CARM1: variants seen among roughly 807,000 people sequenced by gnomAD.
CARM1 encodes coactivator associated arginine methyltransferase 1, also known as histone-arginine methyltransferase CARM1.
Under a neutral mutation model 72.7 loss-of-function variants are expected in CARM1, and 14 were observed. The observed-to-expected ratio is 0.19, with a 90% CI of 0.13 to 0.30. The LOEUF is 0.30. CARM1 is among the 10% of genes least tolerant of loss of function. CARM1 has a pLI of 1.00. For missense variants in CARM1, 432 were observed against 833.7 expected, an observed-to-expected ratio of 0.52 and a Z score of 5.93; for synonymous variants, 333 against 345.5, an observed-to-expected ratio of 0.96 and a Z score of 0.40.
chr19:10,873,531 ATGAGCTGAGATC>A (rs1424292814), intron 1 of CARM1, among the ~76,000 whole-genome samples: 2 of 150,726 alleles, frequency 1.3e-5, no homozygotes, highest in African/African-American at 4.9e-5. Context: ...AGAGGTTGCA[ATGAGCTGAGATC>A]GTGCCATTGC....
At chr19:10,906,588 G>C (rs1392440956) in intron 2 of CARM1, among the ~76,000 whole-genome samples, 2 of 152,044 alleles carry the variant, frequency 1.3e-5, no homozygotes, top group Non-Finnish European at 2.9e-5. Context: ...TCAGCGCCCT[G>C]AGTAGCCGGG....
chr19:10,894,569 C>G (rs565938273), intron 1 of CARM1, among the ~76,000 whole-genome samples: 6 of 152,144 alleles, frequency 3.9e-5, no homozygotes, highest in Non-Finnish European at 7.3e-5. Context: ...GCTACTCCCC[C>G]GCCCCAGGTT....
At chr19:10,874,250 C>T (rs1018479059) in intron 1 of CARM1, among the ~76,000 whole-genome samples, 3 of 151,948 alleles carry the variant, frequency 2.0e-5, no homozygotes, top group Admixed American at 6.6e-5. Context: ...CCCACCTGAC[C>T]GGAAACATTC....
At chr19:10,895,690 G>T (rs1405069107) in intron 1 of CARM1, among the ~76,000 whole-genome samples, 1 of 152,330 alleles carries the variant, frequency 6.6e-6, no homozygotes, top group East Asian at 1.9e-4. Flanking sequence ...AAGAGGCTGG[G>T]CTGCCCCTGC....
Position 10,920,496 on chromosome 19 carries a change from G to C in CARM1, c.1257G>C (p.Arg419=). Residue 419 remains arginine, a synonymous_variant, in exon 11 of 16, where the codon CGG becomes CGC. Transcript: ENST00000327064. The surrounding 1 kb of genome is among the most constrained non-coding windows in gnomAD (Gnocchi z 5.3). ...CCCTGACCCACTGGTACCAGGTGCG[G>C]TGCCTGTTCCAGTCACCACTGTTCG... ...TEPLTHWYQV[R]CLFQSPLFAK... 1 of 1,613,918 alleles carries C rather than the reference G, an allele frequency of 6.2e-7. No homozygotes were observed. The highest frequency in any genetic ancestry group is 8.5e-7 in the Non-Finnish European group (1 of 1,179,870).
chr19:10,914,082 G>A (rs780699605), intron 6 of CARM1, 28 bp downstream of exon 6: 1 of 1,586,080 alleles, frequency 6.3e-7, no homozygotes, highest in Admixed American at 1.8e-5. Flanking sequence ...CACAGGCCAG[G>A]CCCCTCGGTG....
Position 10,916,707 on chromosome 19 carries a change from C to T in CARM1, c.950C>T (p.Ser317Phe). The T allele has an allele frequency of 1.9e-6, 3 of 1,567,112 alleles. No individual in the cohort carries two copies. Among genetic ancestry groups the T allele is most frequent in the Non-Finnish European group, 2.6e-6 (3 of 1,155,702 alleles). ...GGGCCTGTCCACAGGTACCAGCCATCTTTCCATGGAGTGGACCTGTCGGCC... is the reference window on the plus strand; with the variant it reads ...GGGCCTGTCCACAGGTACCAGCCATTTTTCCATGGAGTGGACCTGTCGGCC... ...FTKANFWYQP[S>F]FHGVDLSALR... is the part of the protein sequence containing the mutation. Residue 317 changes from serine (S) to phenylalanine (F), a missense_variant, in exon 8 of 16, where the codon TCT becomes TTT. Ser to Phe is a radical substitution (Grantham distance 155, BLOSUM62 -2). Coordinates refer to ENST00000327064, the MANE Select transcript of CARM1 (RefSeq NM_199141.2). This position sits in a 1 kb window ranked among gnomAD's most constrained non-coding sequence, Gnocchi z 4.4.
intron 1 of CARM1, among the ~76,000 whole-genome samples, chr19:10,897,563 C>T (rs1398627489): frequency 3.3e-5 from 5 of 152,176 alleles, no homozygotes; most frequent in Non-Finnish European, 5.9e-5. Flanking sequence ...GGCAGGCCAG[C>T]GAGTAGCCCC....
At chr19:10,908,599 C>G (rs1156603685) in intron 3 of CARM1, 4 of 187,666 alleles carry the variant, frequency 2.1e-5, no homozygotes, top group Admixed American at 1.6e-4. Context: ...CCAAGTCACA[C>G]AGCTATATGC....
chr19:10,873,714 A>C (rs992079003), intron 1 of CARM1, among the ~76,000 whole-genome samples: 2 of 120,868 alleles, frequency 1.7e-5, no homozygotes, highest in Non-Finnish European at 3.1e-5. Flanking sequence ...ATCTCGGCTC[A>C]CTGCAAGCTC....
chr19:10,895,881 A>T (rs1165724552), intron 1 of CARM1, among the ~76,000 whole-genome samples: 1 of 152,076 alleles, frequency 6.6e-6, no homozygotes, highest in African/African-American at 2.4e-5. Context: ...CTCTAGGAGG[A>T]GGTGACAAGG....
chr19:10,885,804 C>G (rs552042606), intron 1 of CARM1, among the ~76,000 whole-genome samples: 1 of 152,020 alleles, frequency 6.6e-6, no homozygotes, highest in Admixed American at 6.6e-5. Context: ...GGATGCCTGG[C>G]TCTTACTCCC....
chr19:10,921,387 T>C lies in CARM1; in HGVS notation c.1628T>C (p.Ile543Thr), dbSNP rs1248563035. 2 of 1,609,592 alleles carry C rather than the reference T, an allele frequency of 1.2e-6. No individual in the cohort carries two copies. The highest frequency in any genetic ancestry group is 1.3e-5 in the African/African-American group (1 of 74,582). The change falls in exon 15 of 16, where the codon ATT becomes ACT. Residue 543 changes from isoleucine to threonine, a missense_variant. By Grantham distance (89) the Ile-to-Thr change is moderately conservative. Around this residue, in one of 3 missense-constraint regions of CARM1, gnomAD observed 142 missense variants for 188.7 expected, o/e 0.75. Transcript: ENST00000327064. ...NNLIPLANTG[I>T]VNHTHSRMGS... Reference sequence around the variant, plus strand: ...TCTCGCTGCGCAGCCAACACGGGGATTGTCAATCACACCCACTCCCGGATG... The same window carrying C: ...TCTCGCTGCGCAGCCAACACGGGGACTGTCAATCACACCCACTCCCGGATG...
intron 1 of CARM1, among the ~76,000 whole-genome samples, chr19:10,873,046 T>C (rs1472631641): frequency 6.6e-6 from 1 of 152,086 alleles, no homozygotes; most frequent in South Asian, 2.1e-4. Flanking sequence ...GCCGTCTCTT[T>C]TTGCTGGTGC....
chr19:10,911,743 GC>G (rs1006858633), intron 4 of CARM1, among the ~76,000 whole-genome samples: 31 of 152,224 alleles, frequency 2.0e-4, no homozygotes, highest in African/African-American at 7.0e-4. Context: ...AGCCCAGCCG[GC>G]CCCAGGGCTT....
rs192212946 is a variant in CARM1, at chr19:10,880,390, G to A, written c.220+8468G>A. ...AGACAGGGTCTTGCTGTGTCACCCA[G>A]GCTGGAGTGCAGTGACACGATCATA... On this transcript the variant is annotated intron_variant, in intron 1 of 15. Transcript: ENST00000327064. Among the ~76,000 whole-genome samples the A allele has an allele frequency of 2.5e-3, 373 of 152,180 alleles. 2 individuals carry two copies. The highest frequency in any genetic ancestry group is 3.4e-3 in the Admixed American group (52 of 15,276).
chr19:10,880,133 G>A (rs181432691), intron 1 of CARM1, among the ~76,000 whole-genome samples: 1 of 152,344 alleles, frequency 6.6e-6, no homozygotes, highest in Admixed American at 6.5e-5. Context: ...GAAGACCTCT[G>A]TGGCAGGTGT....
intron 3 of CARM1, chr19:10,908,851 C>T (rs759731972): frequency 2.6e-5 from 10 of 379,652 alleles, no homozygotes; most frequent in South Asian, 7.9e-5. Context: ...TTCTCCTGGG[C>T]GGCTTCCAGG....
At chr19:10,906,095 G>T (rs2074101972) in intron 2 of CARM1, among the ~76,000 whole-genome samples, 1 of 151,214 alleles carries the variant, frequency 6.6e-6, no homozygotes. Flanking sequence ...GACTACACGT[G>T]TGTGCCACCG....
Sources: gnomAD v4.1 joint callset for allele counts (sites outside exome capture counted in the v4.1 genomes callset) on GRCh38, gnomAD v4.1.1 for gene constraint, gnomAD v4.1.1 regional missense constraint, Gnocchi (gnomAD v3.1) non-coding constraint, MANE v1.5 for transcripts, NCBI Gene and HGNC (gene_info 2026-07-23, HGNC 2026-07-21) for gene names.